The following EIF4E3 variants were observed in gnomAD, a reference collection of about 807,000 sequenced individuals.
The protein encoded by EIF4E3 is eukaryotic translation initiation factor 4E family member 3.
In EIF4E3, 26 loss-of-function variants were observed where a neutral mutation model predicts 31.7. The ratio of observed to expected loss-of-function variants is 0.82; its 90% CI spans 0.60 to 1.14. The LOEUF (loss-of-function observed/expected upper bound fraction) is 1.14. Among genes scored for constraint, EIF4E3 ranks in the 50% most tolerant of loss-of-function variants. The probability of loss-of-function intolerance (pLI) is 0.00; values close to 1 mark genes in which losing one functional copy is unlikely to be tolerated. For synonymous variants in EIF4E3, 128 were observed against 107.7 expected, an observed-to-expected ratio of 1.19 and a Z score of -1.17; for missense variants, 304 against 270.9, an observed-to-expected ratio of 1.12 and a Z score of -0.86.
the EIF4E3 span, among the ~76,000 whole-genome samples, chr3:71,665,223 T>C: frequency 6.6e-6 from 1 of 152,176 alleles, no homozygotes. Context: ...AATTCAAATA[T>C]GGAATAAATT....
intron 1 of EIF4E3, among the ~76,000 whole-genome samples, chr3:71,734,818 T>C (rs761653120): frequency 6.6e-6 from 1 of 152,172 alleles, no homozygotes; most frequent in African/African-American, 2.4e-5. Flanking sequence ...TATCAGAAAA[T>C]GACTATGACC....
In EIF4E3 at chr3:71,678,103, G is replaced by C. The variant is rs374317882; in HGVS notation, c.*6579C>G. 2 of 152,116 alleles carry C rather than the reference G, an allele frequency of 1.3e-5. No individual in the cohort carries two copies. The highest frequency in any genetic ancestry group is 3.8e-4 in the East Asian group (2 of 5,200). The allele number at this position is 152,116 out of a possible 1,614,324, so 9.4% of individuals were successfully genotyped here. A position where few individuals can be genotyped will look rare whatever the true frequency, so the allele number is the denominator to read the frequency against. Reference sequence around the variant, plus strand: ...AGCGTCACACATATTAGAGGTGTTGGACAGAAACTTTTAATATGTGTTGTA... The same window carrying C: ...AGCGTCACACATATTAGAGGTGTTGCACAGAAACTTTTAATATGTGTTGTA... On this transcript the variant is annotated 3_prime_UTR_variant, in exon 7 of 7. Transcript: ENST00000425534.
rs2048926951 is a variant in EIF4E3 at position 71,681,778 on chromosome 3, TAA to T, written c.*2902_*2903del. The T allele has an allele frequency of 6.6e-6, 1 of 152,208 alleles. No homozygotes were observed. The highest frequency in any genetic ancestry group is 2.4e-5 in the African/African-American group (1 of 41,458). 9.4% of individuals were successfully genotyped at this position (152,208 alleles called of 1,614,324 possible). On this transcript the variant is annotated 3_prime_UTR_variant, in exon 7 of 7. Coordinates refer to ENST00000425534, the MANE Select transcript of EIF4E3 (RefSeq NM_001134651.2). ...AGGACCCAATTATACCTAAAGTTTC[TAA>T]GCTATAAAGTCTTGTGACTGTGTGC...
intron 4 of EIF4E3, among the ~76,000 whole-genome samples, chr3:71,695,932 C>T (rs1052647394): frequency 2.0e-5 from 3 of 152,192 alleles, no homozygotes; most frequent in Non-Finnish European, 1.5e-5. Context: ...CAGCATCCCA[C>T]CAGGTCATCA....
chr3:71,712,893 A>C (rs2049404047), intron 1 of EIF4E3, among the ~76,000 whole-genome samples: 1 of 147,740 alleles, frequency 6.8e-6, no homozygotes, highest in South Asian at 2.1e-4. Flanking sequence ...AATTTGCTAT[A>C]TATGGTTCTT....
chr3:71,714,207 C>A (rs1375827272), intron 1 of EIF4E3, among the ~76,000 whole-genome samples: 1 of 141,838 alleles, frequency 7.1e-6, no homozygotes, highest in Non-Finnish European at 1.5e-5. Flanking sequence ...AGCAAAACTC[C>A]ATCTCAAAAA....
At position 71,748,327 on chromosome 3, in the gene EIF4E3, G is replaced by C. The variant is rs2049893878; in HGVS notation, c.-291+5136C>G. Among the ~76,000 whole-genome samples the C allele has an allele frequency of 2.6e-5, 4 of 152,292 alleles. No homozygotes were observed. The South Asian group carries it at 8.3e-4, about 32-fold the overall frequency. On this transcript the variant is annotated intron_variant, in intron 1 of 7. Coordinates refer to the EIF4E3 transcript ENST00000295612. The stretch of plus-strand genomic sequence containing the variant: ...CTGCAGGGCTGGCTATGGGACTTCA[G>C]TATGCATGGATTTGGGTGCACGCGG...
the EIF4E3 span, among the ~76,000 whole-genome samples, chr3:71,659,933 A>G: frequency 6.6e-6 from 1 of 152,126 alleles, no homozygotes; most frequent in African/African-American, 2.4e-5. Context: ...GAAGTAATCT[A>G]GGACTTTGCT....
At chr3:71,699,863 T>C (rs766871528) in intron 2 of EIF4E3, among the ~76,000 whole-genome samples, 155 bp from the exon 3 acceptor site, 22 of 152,196 alleles carry the variant, frequency 1.4e-4, no homozygotes, top group Non-Finnish European at 2.4e-4. Flanking sequence ...AATTCTCTGT[T>C]AGAAAATGTA....
intron 1 of EIF4E3, among the ~76,000 whole-genome samples, chr3:71,730,777 C>CTGGAG (rs2049697829): frequency 6.6e-6 from 1 of 152,090 alleles, no homozygotes; most frequent in South Asian, 2.1e-4. Context: ...GTTGCCCAGG[C>CTGGAG]TGGAGTGGAG....
At chr3:71,665,479 T>C in the EIF4E3 span, among the ~76,000 whole-genome samples, 1 of 152,210 alleles carries the variant, frequency 6.6e-6, no homozygotes, top group Non-Finnish European at 1.5e-5. Flanking sequence ...AACCAACTAT[T>C]AAAGAGAGAT....
At chr3:71,687,201 C>G (rs2049003860) in intron 6 of EIF4E3, among the ~76,000 whole-genome samples, 1 of 152,098 alleles carries the variant, frequency 6.6e-6, no homozygotes, top group South Asian at 2.1e-4. Flanking sequence ...GGGGTTTCGC[C>G]ATGTTGGCCA....
In EIF4E3 at chr3:71,678,426, T is replaced by C. The variant is rs2048890686; in HGVS notation, c.*6256A>G. ...GAAAATTGCAAAACAGTCTAAACAT[T>C]TGCACTAAACACATAAATCACTACC... On this transcript the variant is annotated 3_prime_UTR_variant, in exon 7 of 7. Transcript: ENST00000425534. The C allele has an allele frequency of 6.6e-6, 1 of 152,104 alleles. No homozygotes were observed. The highest frequency in any genetic ancestry group is 2.4e-5 in the African/African-American group (1 of 41,410). 9.4% of individuals were successfully genotyped at this position (152,104 alleles called of 1,614,324 possible).
the EIF4E3 span, among the ~76,000 whole-genome samples, chr3:71,663,748 T>C: frequency 6.6e-6 from 1 of 152,238 alleles, no homozygotes; most frequent in African/African-American, 2.4e-5. Flanking sequence ...ATGCCTGTTT[T>C]ATGCAACAAA....
chr3:71,731,786 CT>C (rs1158424053), intron 1 of EIF4E3, among the ~76,000 whole-genome samples: 1 of 152,222 alleles, frequency 6.6e-6, no homozygotes, highest in Admixed American at 6.5e-5. Context: ...CCCTAAAGCG[CT>C]GCCTGTTTCT....
At chr3:71,712,299 C>T (rs1255771127) in intron 1 of EIF4E3, among the ~76,000 whole-genome samples, 2 of 151,962 alleles carry the variant, frequency 1.3e-5, no homozygotes, top group African/African-American at 4.8e-5. Flanking sequence ...TACCTGGGCC[C>T]CTGATGAAAT....
chr3:71,679,171 T>C lies in EIF4E3; in HGVS notation c.*5511A>G, dbSNP rs2048895978. On this transcript the variant is annotated 3_prime_UTR_variant, in exon 7 of 7. Transcript: ENST00000425534. ...AATATTCACCATTCATCATGTAATGTAAAGTGCTAAAATTAAAATTTTCAC... is the reference window on the plus strand; with the variant it reads ...AATATTCACCATTCATCATGTAATGCAAAGTGCTAAAATTAAAATTTTCAC... The C allele has an allele frequency of 6.6e-6, 1 of 152,172 alleles. No homozygotes were observed. Among genetic ancestry groups the C allele is most frequent in the Non-Finnish European group, 1.5e-5 (1 of 68,026 alleles). 9.4% of individuals were successfully genotyped at this position (152,172 alleles called of 1,614,324 possible).
intron 3 of EIF4E3, among the ~76,000 whole-genome samples, chr3:71,697,627 T>G (rs1026366494): frequency 2.0e-5 from 3 of 152,130 alleles, no homozygotes; most frequent in Non-Finnish European, 2.9e-5. Context: ...CAGGGTTTTT[T>G]TTTTTTAAGC....
At chr3:71,671,792 G>A (rs2107982477), downstream of EIF4E3, among the ~76,000 whole-genome samples, 1 of 150,832 alleles carries the variant, frequency 6.6e-6, no homozygotes, top group South Asian at 2.1e-4. Flanking sequence ...GTGCTATAAA[G>A]GTATAAACCC....
Sources: gnomAD v4.1 joint callset for allele counts (sites outside exome capture counted in the v4.1 genomes callset) on GRCh38, gnomAD v4.1.1 for gene constraint, MANE v1.5 for transcripts, NCBI Gene and HGNC (gene_info 2026-07-23, HGNC 2026-07-21) for gene names.